The following GREB1L variants were observed in gnomAD, a reference collection of about 807,000 sequenced individuals.
The protein encoded by GREB1L is GREB1 like retinoic acid receptor coactivator.
In GREB1L, 17 loss-of-function variants were observed where a neutral mutation model predicts 200.8. The observed-to-expected ratio is 0.08, with a 90% CI of 0.06 to 0.13. The LOEUF (loss-of-function observed/expected upper bound fraction) is 0.13. GREB1L is among the 10% of genes least tolerant of loss of function. The pLI, the probability that GREB1L is intolerant of heterozygous loss-of-function variation, is 1.00. For missense variants in GREB1L, 1,657 were observed against 2,367.7 expected, an observed-to-expected ratio of 0.70 and a Z score of 6.23; for synonymous variants, 789 against 893.0, an observed-to-expected ratio of 0.88 and a Z score of 2.08.
At position 21,497,749 on chromosome 18, in the gene GREB1L, G is replaced by A. The variant is rs1257255545; in HGVS notation, c.3391+1051G>A. Among the ~76,000 whole-genome samples, 3 of 146,634 alleles carry A rather than the reference G, an allele frequency of 2.0e-5. No individual in the cohort carries two copies. The East Asian group carries it at 6.1e-4, about 30-fold the overall frequency. Reference sequence around the variant, plus strand: ...TTCTGAGATTAAAAATGAAACACACGCCCACTTCCAGAAGTAATCACTCTT... The same window carrying A: ...TTCTGAGATTAAAAATGAAACACACACCCACTTCCAGAAGTAATCACTCTT... On this transcript the variant is annotated intron_variant, in intron 21 of 32. Transcript: ENST00000424526.
chr18:21,328,480 A>G (rs1013084869), intron 1 of GREB1L, among the ~76,000 whole-genome samples: 4 of 152,190 alleles, frequency 2.6e-5, no homozygotes, highest in African/African-American at 7.2e-5. Context: ...CAGTAGTTCA[A>G]ATGGAGTCCT....
intron 7 of GREB1L, among the ~76,000 whole-genome samples, chr18:21,412,964 TTC>T (rs2031231956): frequency 6.6e-6 from 1 of 152,190 alleles, no homozygotes; most frequent in African/African-American, 2.4e-5. Flanking sequence ...TTCTGAGTTT[TTC>T]TGTTTCGCAT....
At chr18:21,514,397 C>T (rs1199129133) in intron 28 of GREB1L, among the ~76,000 whole-genome samples, 2 of 152,180 alleles carry the variant, frequency 1.3e-5, no homozygotes, top group African/African-American at 2.4e-5. Flanking sequence ...TGCCTGCAGT[C>T]CCAGCTACTT....
At chr18:21,274,785 G>T (rs1333216911) in intron 1 of GREB1L, among the ~76,000 whole-genome samples, 1 of 152,008 alleles carries the variant, frequency 6.6e-6, no homozygotes, top group Non-Finnish European at 1.5e-5. Context: ...TGCTTGGGAG[G>T]CTGATGTGGG....
chr18:21,333,572 G>A (rs533360007), intron 1 of GREB1L, among the ~76,000 whole-genome samples: 6 of 152,082 alleles, frequency 3.9e-5, no homozygotes, highest in African/African-American at 9.6e-5. Context: ...CTACTTGGGA[G>A]GCTAAGGCAG....
intron 13 of GREB1L, 154 bp downstream of exon 13, chr18:21,451,305 C>A: frequency 1.3e-6 from 1 of 782,090 alleles, no homozygotes; most frequent in Non-Finnish European, 2.0e-6. Context: ...TCACTAACAC[C>A]ACAGGAAGCA....
chr18:21,411,117 G>A (rs942495593), intron 7 of GREB1L, among the ~76,000 whole-genome samples: 4 of 152,054 alleles, frequency 2.6e-5, no homozygotes, highest in African/African-American at 9.7e-5. Flanking sequence ...CTTTGGTAAT[G>A]AGGAAAATTA....
chr18:21,288,659 G>A (rs112954469), intron 1 of GREB1L, among the ~76,000 whole-genome samples: 3,494 of 152,050 alleles, frequency 0.023, 146 homozygotes, highest in Admixed American at 0.11. Flanking sequence ...AAATTCTGGG[G>A]GTATGTGGGA....
intron 1 of GREB1L, among the ~76,000 whole-genome samples, chr18:21,268,664 A>G (rs1384000193): frequency 6.7e-6 from 1 of 148,318 alleles, no homozygotes; most frequent in African/African-American, 2.5e-5. Flanking sequence ...GTGGCACAAT[A>G]TTGGCTCACT....
chr18:21,481,481 A>G (rs4006813), intron 17 of GREB1L, among the ~76,000 whole-genome samples: 18,730 of 123,750 alleles, frequency 0.15, 1,359 homozygotes, highest in Non-Finnish European at 0.22. Flanking sequence ...GTGTGTGTAT[A>G]TATATATATA....
At chr18:21,411,292 C>T (rs1270601377) in intron 7 of GREB1L, among the ~76,000 whole-genome samples, 4 of 151,932 alleles carry the variant, frequency 2.6e-5, no homozygotes, top group South Asian at 2.1e-4. Flanking sequence ...CTGCAAGCCC[C>T]GCCTCCCGGG....
In GREB1L at chr18:21,465,792, A is replaced by G. The variant is rs569419356; in HGVS notation, c.2183-7239A>G. Among the ~76,000 whole-genome samples, 73 of 152,148 alleles carry G rather than the reference A, an allele frequency of 4.8e-4. 3 individuals are homozygous for G. Among genetic ancestry groups the G allele is most frequent in the Non-Finnish European group, 1.2e-4 (8 of 68,002 alleles). On this transcript the variant is annotated intron_variant, in intron 15 of 32. Coordinates refer to ENST00000424526, the MANE Select transcript of GREB1L (RefSeq NM_001142966.3). ...GAAGTTTTAATTATTGAATAGATCA[A>G]ATTTATAAAGGATATTTTAAAAATC...
chr18:21,460,569 A>G lies in GREB1L; in HGVS notation c.2182+6006A>G, dbSNP rs577710337. Among the ~76,000 whole-genome samples, 4 of 151,466 alleles carry G rather than the reference A, an allele frequency of 2.6e-5. No homozygotes were observed. The South Asian group carries it at 8.4e-4, about 32-fold the overall frequency. Reference sequence around the variant, plus strand: ...TGGCCAGGCTGGTCTCGAACTTCTGACCTCAGGTGATCCACCCGCCTCGGC... The same window carrying G: ...TGGCCAGGCTGGTCTCGAACTTCTGGCCTCAGGTGATCCACCCGCCTCGGC... On this transcript the variant is annotated intron_variant, in intron 15 of 32. Transcript: ENST00000424526.
chr18:21,299,339 A>G (rs9961173), intron 1 of GREB1L, among the ~76,000 whole-genome samples: 2,056 of 151,956 alleles, frequency 0.014, 48 homozygotes, highest in African/African-American at 0.047. Context: ...ATTTTAAGCT[A>G]CATGGTTTAA....
chr18:21,482,002 T>C (rs1396909864), intron 17 of GREB1L, among the ~76,000 whole-genome samples: 3 of 152,220 alleles, frequency 2.0e-5, no homozygotes, highest in Non-Finnish European at 4.4e-5. Context: ...TATGTTCAGC[T>C]TTAATAGCTA....
chr18:21,261,178 A>G (rs915333771), intron 1 of GREB1L, among the ~76,000 whole-genome samples: 7 of 152,004 alleles, frequency 4.6e-5, no homozygotes, highest in Non-Finnish European at 8.8e-5. Context: ...TAGACTATAT[A>G]TATATTTTTC....
intron 1 of GREB1L, among the ~76,000 whole-genome samples, chr18:21,321,145 T>C (rs371775871): frequency 2.0e-4 from 30 of 149,786 alleles, no homozygotes; most frequent in East Asian, 1.2e-3. Context: ...AATACAAAAA[T>C]TAGCCAGGCA....
intron 1 of GREB1L, among the ~76,000 whole-genome samples, chr18:21,329,811 G>T (rs2039080174): frequency 6.6e-6 from 1 of 151,914 alleles, no homozygotes; most frequent in Admixed American, 6.6e-5. Flanking sequence ...GTTCCCTCTG[G>T]GCTGCTGCAT....
chr18:21,265,550 G>A (rs748372264), intron 1 of GREB1L, among the ~76,000 whole-genome samples: 10 of 152,016 alleles, frequency 6.6e-5, no homozygotes, highest in Non-Finnish European at 1.5e-4. Context: ...CACCTATATT[G>A]AAATGCTGTT....
Sources: allele counts gnomAD v4.1 joint callset (sites outside exome capture counted in the v4.1 genomes callset), GRCh38; gene constraint gnomAD v4.1.1; transcripts MANE v1.5; gene names NCBI Gene and HGNC (gene_info 2026-07-23, HGNC 2026-07-21).